Variants in TTC29 observed in about 807,000 individuals in gnomAD.
TTC29 encodes the protein tetratricopeptide repeat domain 29.
Under a neutral mutation model 58.1 loss-of-function variants are expected in TTC29, and 49 were observed. The observed-to-expected ratio is 0.84, with a 90% CI of 0.67 to 1.07. The LOEUF is 1.07. Among genes scored for constraint, TTC29 ranks in the 50% least tolerant of loss-of-function variants. The pLI is 0.00. For missense variants in TTC29, 582 were observed against 555.6 expected (o/e 1.05, Z -0.48); for synonymous variants, 209 against 196.8 (o/e 1.06, Z -0.52).
intron 11 of TTC29, among the ~76,000 whole-genome samples, chr4:146,765,496 C>T (rs931566573): frequency 6.6e-6 from 1 of 152,138 alleles, no homozygotes; most frequent in African/African-American, 2.4e-5. Context: ...CCAACGCGCT[C>T]AGCCCCACGA....
chr4:146,719,545 T>G (rs1325539288), intron 11 of TTC29, among the ~76,000 whole-genome samples: 1 of 152,180 alleles, frequency 6.6e-6, no homozygotes, highest in African/African-American at 2.4e-5. Context: ...AAAGACTGAT[T>G]TATTTGACTT....
At chr4:146,894,688 AAAAT>A (rs34060136) in intron 6 of TTC29, among the ~76,000 whole-genome samples, 99,683 of 150,188 alleles carry the variant, frequency 0.66, 35,327 homozygotes, top group African/African-American at 0.92. Flanking sequence ...AATAAAAAAT[AAAAT>A]AAATAAATAA....
chr4:146,871,357 C>A (rs886640678), intron 7 of TTC29, among the ~76,000 whole-genome samples: 9 of 151,660 alleles, frequency 5.9e-5, no homozygotes, highest in African/African-American at 9.7e-5. Context: ...AGGGCATCTA[C>A]AAAAAAACCC....
chr4:146,822,808 G>A (rs1240026897), intron 9 of TTC29, among the ~76,000 whole-genome samples: 1 of 152,194 alleles, frequency 6.6e-6, no homozygotes, highest in Non-Finnish European at 1.5e-5. Flanking sequence ...TGACTGGCGT[G>A]AGATGGTATC....
At chr4:146,790,564 G>A (rs1014573477) in intron 11 of TTC29, among the ~76,000 whole-genome samples, 3 of 151,018 alleles carry the variant, frequency 2.0e-5, no homozygotes, top group African/African-American at 7.3e-5. Context: ...TCTAGAGATT[G>A]CCCACCAGCA....
At chr4:146,841,055 GTATT>G (rs1728822640) in intron 8 of TTC29, among the ~76,000 whole-genome samples, 1 of 152,138 alleles carries the variant, frequency 6.6e-6, no homozygotes, top group Non-Finnish European at 1.5e-5. Context: ...TTCAAAGAAA[GTATT>G]TAATTGTTGT....
intron 3 of TTC29, among the ~76,000 whole-genome samples, chr4:146,939,449 T>C (rs1323269053): frequency 6.6e-6 from 1 of 152,140 alleles, no homozygotes; most frequent in Non-Finnish European, 1.5e-5. Flanking sequence ...AGTAAGACTC[T>C]GCCTTAAAAA....
chr4:146,716,310 T>C (rs1399043410), intron 11 of TTC29, among the ~76,000 whole-genome samples: 2 of 152,180 alleles, frequency 1.3e-5, no homozygotes, highest in Admixed American at 6.5e-5. Context: ...GTTTGAATTT[T>C]CTTTTTCTGG....
At chr4:146,912,823 G>T (rs942636832) in intron 4 of TTC29, among the ~76,000 whole-genome samples, 12 of 152,024 alleles carry the variant, frequency 7.9e-5, no homozygotes, top group Non-Finnish European at 5.9e-5. Flanking sequence ...TGGAAGGATA[G>T]AGAGAAGTAG....
intron 8 of TTC29, among the ~76,000 whole-genome samples, chr4:146,835,014 T>C (rs1728414918): frequency 1.3e-5 from 2 of 152,154 alleles, no homozygotes; most frequent in African/African-American, 2.4e-5. Flanking sequence ...TTTTGGGGTA[T>C]TTTGTACTTT....
chr4:146,741,487 C>CTT (rs762817689), intron 11 of TTC29, among the ~76,000 whole-genome samples: 5 of 140,096 alleles, frequency 3.6e-5, no homozygotes, highest in East Asian at 4.2e-4. Context: ...AAAAATTGTT[C>CTT]TTTTTTTTTT....
In TTC29 at chr4:146,803,550, T is replaced by G; in HGVS notation, c.1237A>C (p.Asn413His). ...AKAHQMMLTV[N>H]NYIESADLTS... ...AGATCTGCAGACTCTATATAGTTGT[T>G]CACTGTAAGCATCATCTGATGAGCT... The change falls in exon 11 of 13, where the codon AAC (asparagine) becomes CAC (histidine). Residue 413 changes from asparagine (N) to histidine (H), a missense_variant. Asn to His is a moderately conservative substitution (Grantham distance 68). Coordinates refer to ENST00000325106, the MANE Select transcript of TTC29 (RefSeq NM_031956.4). 6.2e-7 allele frequency: 1 copy of G among 1,604,814 alleles called. No homozygotes were observed. Among genetic ancestry groups the G allele is most frequent in the Non-Finnish European group, 8.5e-7 (1 of 1,174,920 alleles).
chr4:146,722,821 C>T (rs754661158), intron 11 of TTC29, among the ~76,000 whole-genome samples: 1 of 152,124 alleles, frequency 6.6e-6, no homozygotes, highest in Non-Finnish European at 1.5e-5. Context: ...CCTCAGCCAC[C>T]TCAGTAGCTG....
intron 4 of TTC29, among the ~76,000 whole-genome samples, chr4:146,935,309 T>C (rs969982823): frequency 6.6e-6 from 1 of 152,198 alleles, no homozygotes; most frequent in Non-Finnish European, 1.5e-5. Context: ...ATGTGTACTA[T>C]GGGATATCAA....
chr4:146,747,131 A>C (rs762304812), intron 11 of TTC29, among the ~76,000 whole-genome samples: 8 of 152,114 alleles, frequency 5.3e-5, no homozygotes, highest in African/African-American at 1.9e-4. Flanking sequence ...AGTTTTTACT[A>C]CTAGAGACTC....
At chr4:146,796,785 C>A (rs915418060) in intron 11 of TTC29, among the ~76,000 whole-genome samples, 6 of 151,954 alleles carry the variant, frequency 3.9e-5, no homozygotes, top group Admixed American at 1.3e-4. Flanking sequence ...TTTGTTGGGG[C>A]TCCTTGTAGA....
chr4:146,883,398 G>GTT (rs77936880), intron 6 of TTC29, among the ~76,000 whole-genome samples: 18 of 150,234 alleles, frequency 1.2e-4, no homozygotes, highest in South Asian at 4.2e-4. Context: ...GTTTCTTTTT[G>GTT]TTTTTTTTTC....
chr4:146,942,508 T>C, intron 2 of TTC29: 1 of 821,550 alleles, frequency 1.2e-6, no homozygotes, highest in Non-Finnish European at 1.9e-6. Context: ...ATACAGAGCA[T>C]ATGGTAAGAA....
chr4:146,874,652 C>T (rs1294611498), intron 7 of TTC29, 64 bp downstream of exon 7: 16 of 1,312,408 alleles, frequency 1.2e-5, no homozygotes, highest in Admixed American at 1.0e-4. Context: ...TTTTACTTCA[C>T]TCTTGGGAGA....
Sources: allele counts gnomAD v4.1 joint callset (sites outside exome capture counted in the v4.1 genomes callset), GRCh38; gene constraint gnomAD v4.1.1; transcripts MANE v1.5; gene names NCBI Gene and HGNC (gene_info 2026-07-23, HGNC 2026-07-21).